Variants in FSTL5 observed in about 807,000 individuals in gnomAD.
The protein encoded by FSTL5 is follistatin-related protein 5.
In FSTL5, 62 loss-of-function variants were observed where a neutral mutation model predicts 89.1. The observed-to-expected ratio is 0.70, with a 90% CI of 0.57 to 0.86. FSTL5 has a LOEUF of 0.86. FSTL5 is among the 40% of genes least tolerant of loss of function. The pLI is 0.00. For synonymous variants in FSTL5, 383 were observed against 346.2 expected (o/e 1.11, Z -1.18); for missense variants, 1,057 against 1,001.6 (o/e 1.06, Z -0.75).
At chr4:161,586,193 A>C (rs758608281) in intron 8 of FSTL5, among the ~76,000 whole-genome samples, 82 of 152,138 alleles carry the variant, frequency 5.4e-4, no homozygotes, top group Non-Finnish European at 8.1e-4. Context: ...ATCCATTTAT[A>C]TTTATTTCTA....
intron 3 of FSTL5, among the ~76,000 whole-genome samples, chr4:161,955,401 C>T (rs1465572079): frequency 6.8e-6 from 1 of 147,388 alleles, no homozygotes; most frequent in Non-Finnish European, 1.5e-5. Context: ...ATAATGTGAA[C>T]AAAAAAAAAT....
intron 6 of FSTL5, among the ~76,000 whole-genome samples, chr4:161,684,114 C>T (rs1307461976): frequency 3.9e-5 from 6 of 152,110 alleles, no homozygotes; most frequent in African/African-American, 1.4e-4. Flanking sequence ...CCATGGTACA[C>T]ATGTACACAT....
At chr4:162,096,123 T>C (rs1439675769) in intron 2 of FSTL5, among the ~76,000 whole-genome samples, 1 of 151,920 alleles carries the variant, frequency 6.6e-6, no homozygotes, top group Non-Finnish European at 1.5e-5. Flanking sequence ...TTTTATAAAT[T>C]AATGCAATAA....
At chr4:161,443,932 G>A (rs1446071298) in intron 15 of FSTL5, among the ~76,000 whole-genome samples, 1 of 151,452 alleles carries the variant, frequency 6.6e-6, no homozygotes, top group Non-Finnish European at 1.5e-5. Flanking sequence ...AATGTAGTTT[G>A]GACATGATCT....
At chr4:161,498,542 T>C (rs1730173822) in intron 12 of FSTL5, among the ~76,000 whole-genome samples, 1 of 152,192 alleles carries the variant, frequency 6.6e-6, no homozygotes, top group Non-Finnish European at 1.5e-5. Flanking sequence ...GAGTATGGAT[T>C]TCACAGCCTA....
chr4:162,011,479 C>T (rs1736764710), intron 3 of FSTL5, among the ~76,000 whole-genome samples: 1 of 151,892 alleles, frequency 6.6e-6, no homozygotes, highest in Non-Finnish European at 1.5e-5. Context: ...CTCAAGGAAC[C>T]TGTGCTTGTT....
intron 4 of FSTL5, among the ~76,000 whole-genome samples, chr4:161,913,379 C>A (rs564881065): frequency 1.3e-5 from 2 of 152,116 alleles, no homozygotes; most frequent in Non-Finnish European, 2.9e-5. Flanking sequence ...TGGTGCCCTG[C>A]GTCCCAGTCA....
chr4:161,449,945 A>AT (rs1440715746), intron 15 of FSTL5, among the ~76,000 whole-genome samples: 1 of 152,156 alleles, frequency 6.6e-6, no homozygotes, highest in Admixed American at 6.5e-5. Flanking sequence ...ACTTCTGCTA[A>AT]TTCTTGCATT....
intron 3 of FSTL5, among the ~76,000 whole-genome samples, chr4:162,015,480 C>T (rs187756082): frequency 1.8e-3 from 280 of 152,248 alleles, no homozygotes; most frequent in African/African-American, 6.5e-3. Context: ...GCCCCAGTAA[C>T]GTGCCATGCC....
At chr4:161,418,455 G>T (rs1184809236) in intron 15 of FSTL5, among the ~76,000 whole-genome samples, 1 of 151,960 alleles carries the variant, frequency 6.6e-6, no homozygotes, top group Non-Finnish European at 1.5e-5. Flanking sequence ...GGTGGGAAGT[G>T]GTGCTCCTTA....
chr4:161,420,911 G>A (rs1731967072), intron 15 of FSTL5, among the ~76,000 whole-genome samples: 2 of 150,972 alleles, frequency 1.3e-5, no homozygotes, highest in Non-Finnish European at 3.0e-5. Context: ...ATGTATATAT[G>A]GTATTGGTTC....
chr4:161,741,963 A>C (rs1394470411), intron 6 of FSTL5, among the ~76,000 whole-genome samples: 1 of 152,264 alleles, frequency 6.6e-6, no homozygotes, highest in East Asian at 1.9e-4. Context: ...AAGGACATGA[A>C]ATAAGAAGGA....
At chr4:162,013,043 G>A (rs1384889811) in intron 3 of FSTL5, among the ~76,000 whole-genome samples, 1 of 151,916 alleles carries the variant, frequency 6.6e-6, no homozygotes, top group Non-Finnish European at 1.5e-5. Flanking sequence ...AATTAGCCAG[G>A]CATGGTGGCA....
chr4:162,117,956 G>A (rs192889726), intron 1 of FSTL5, among the ~76,000 whole-genome samples: 3 of 152,254 alleles, frequency 2.0e-5, no homozygotes, highest in Admixed American at 1.3e-4. Context: ...GAATTGACAA[G>A]TGAGTCGAAA....
intron 3 of FSTL5, among the ~76,000 whole-genome samples, chr4:161,979,801 T>C (rs464868): frequency 0.24 from 36,574 of 151,996 alleles, 5,093 homozygotes; most frequent in African/African-American, 0.39. Flanking sequence ...TTATGTCTGA[T>C]ATATTTTGGT....
At chr4:162,022,314 CATG>C (rs1464990178) in intron 3 of FSTL5, among the ~76,000 whole-genome samples, 3 of 151,698 alleles carry the variant, frequency 2.0e-5, no homozygotes, top group East Asian at 3.9e-4. Flanking sequence ...ATATATTAAA[CATG>C]ATATGTCATA....
chr4:161,599,712 C>A (rs543786564), intron 7 of FSTL5, among the ~76,000 whole-genome samples: 1 of 152,074 alleles, frequency 6.6e-6, no homozygotes, highest in Admixed American at 6.6e-5. Context: ...AGCAGCTTTG[C>A]AATGTGTGTA....
intron 4 of FSTL5, among the ~76,000 whole-genome samples, chr4:161,779,679 T>G (rs904942754): frequency 6.7e-6 from 1 of 148,940 alleles, no homozygotes. Flanking sequence ...AACTCAGTTT[T>G]TCTTTTTAAC....
intron 12 of FSTL5, among the ~76,000 whole-genome samples, chr4:161,498,023 T>C (rs1394935935): frequency 1.3e-5 from 2 of 151,764 alleles, no homozygotes; most frequent in African/African-American, 2.4e-5. Flanking sequence ...TATGTATACA[T>C]AGAGACCTGG....
Sources: allele counts gnomAD v4.1 joint callset (sites outside exome capture counted in the v4.1 genomes callset), GRCh38; gene constraint gnomAD v4.1.1; transcripts MANE v1.5; gene names NCBI Gene and HGNC (gene_info 2026-07-23, HGNC 2026-07-21).